ADHFE1: variants seen among roughly 807,000 people sequenced by gnomAD.
The protein encoded by ADHFE1 is hydroxyacid-oxoacid transhydrogenase, mitochondrial.
Under a neutral mutation model 54.8 loss-of-function variants are expected in ADHFE1, and 37 were observed. The observed-to-expected ratio is 0.68, with a 90% CI of 0.52 to 0.89. The LOEUF is 0.89. Ranked by LOEUF, ADHFE1 falls within the 40% of genes least tolerant of loss-of-function variation. The pLI is 0.00. For synonymous variants in ADHFE1, 203 were observed against 229.3 expected (o/e 0.89, Z 1.04); for missense variants, 601 against 591.2 (o/e 1.02, Z -0.17).
At chr8:66,449,595 T>G (rs1337248846) in intron 8 of ADHFE1, among the ~76,000 whole-genome samples, 3 of 152,356 alleles carry the variant, frequency 2.0e-5, no homozygotes, top group Non-Finnish European at 2.9e-5. Context: ...CGGCTTCAGC[T>G]GCTTTGTGCC....
intron 9 of ADHFE1, chr8:66,453,777 C>T (rs760126726): frequency 5.0e-6 from 7 of 1,410,472 alleles, no homozygotes; most frequent in Middle Eastern, 2.0e-4. Context: ...GAGTGGCCCT[C>T]GCCATCCAGG....
chr8:66,449,022 A>G (rs1806167299), intron 8 of ADHFE1, 52 bp downstream of exon 8: 1 of 1,492,208 alleles, frequency 6.7e-7, no homozygotes, highest in Non-Finnish European at 9.3e-7. Flanking sequence ...GTCTATGGAT[A>G]GTATTTTGTT....
rs2130454725 is a variant in ADHFE1 at position 66,457,075 on chromosome 8, T to C, written c.1071T>C (p.His357=). The change falls in exon 12 of 14, where the codon CAT becomes CAC. Residue 357 remains histidine (H), a synonymous_variant. Coordinates refer to ENST00000396623, the MANE Select transcript of ADHFE1 (RefSeq NM_144650.3). ...DYNVDHPLVP[H]GLSVVLTSPA... is the part of the protein sequence containing the mutation. Reference sequence around the variant, plus strand: ...CGCATTTCGTTTCTCCCCAGCCCCATGGCCTTTCTGTGGTGCTCACGTCCC... The same window carrying C: ...CGCATTTCGTTTCTCCCCAGCCCCACGGCCTTTCTGTGGTGCTCACGTCCC... 4.3e-6 allele frequency: 7 copies of C among 1,613,382 alleles called. No homozygotes were observed. Among genetic ancestry groups the C allele is most frequent in the Non-Finnish European group, 5.9e-6 (7 of 1,179,552 alleles).
At chr8:66,461,887 G>A (rs965723551) in intron 13 of ADHFE1, among the ~76,000 whole-genome samples, 2 of 152,196 alleles carry the variant, frequency 1.3e-5, no homozygotes, top group Non-Finnish European at 2.9e-5. Flanking sequence ...AAACAAAGGA[G>A]TCTCAAAGTA....
Position 66,456,834 on chromosome 8 carries a change from C to T in ADHFE1, c.1004C>T (p.Pro335Leu). 1 of 1,608,974 alleles carries T rather than the reference C, an allele frequency of 6.2e-7. No homozygotes were observed. The highest frequency in any genetic ancestry group is 8.5e-7 in the Non-Finnish European group (1 of 1,177,696). Residue 335 changes from proline to leucine, a missense_variant, in exon 11 of 14, where the codon CCA becomes CTA. Pro to Leu is a moderately conservative substitution (Grantham distance 98). Coordinates refer to ENST00000396623, the MANE Select transcript of ADHFE1 (RefSeq NM_144650.3). ...TTTTCTAGCCATGGAATGTCTTACC[C>T]AATTTCAGGTTTAGTGAAGATGTAT... ...GVHLCHGMSY[P>L]ISGLVKMYKA...
intron 9 of ADHFE1, chr8:66,453,605 T>C: frequency 1.1e-6 from 1 of 942,760 alleles, no homozygotes; most frequent in Non-Finnish European, 1.5e-6. Context: ...ACCACAGATA[T>C]AAAGAGGCCC....
At chr8:66,450,441 G>A (rs1254585333) in intron 8 of ADHFE1, among the ~76,000 whole-genome samples, 4 of 152,182 alleles carry the variant, frequency 2.6e-5, no homozygotes, top group African/African-American at 9.7e-5. Context: ...TGCCCATAAG[G>A]CCCAGTGGCC....
chr8:66,444,252 T>C, intron 3 of ADHFE1, 115 bp from the exon 4 acceptor site: 1 of 910,560 alleles, frequency 1.1e-6, no homozygotes, highest in Non-Finnish European at 1.7e-6. Context: ...TGGAAGACCA[T>C]GCTAAGGAGT....
At chr8:66,449,189 TC>T (rs913142247) in intron 8 of ADHFE1, among the ~76,000 whole-genome samples, 1 of 151,672 alleles carries the variant, frequency 6.6e-6, no homozygotes, top group Non-Finnish European at 1.5e-5. Context: ...TCAGGATGGA[TC>T]CCCCCCAGCC....
chr8:66,468,317 G>A lies in ADHFE1; in HGVS notation c.1369G>A (p.Ala457Thr). ...CTGTCCCCAGTCAGAAGAGGATCTG[G>A]CTGCTCTGTTTGAAGCTTCAATGAA... Reference protein sequence around the residue: ...APCPQSEEDLAALFEASMKLY With the variant: ...APCPQSEEDLTALFEASMKLY Residue 457 changes from alanine (A) to threonine (T), a missense_variant, in exon 14 of 14, where the codon GCT becomes ACT. Physicochemically the swap from Ala to Thr is moderately conservative, Grantham distance 58. Coordinates refer to ENST00000396623, the MANE Select transcript of ADHFE1 (RefSeq NM_144650.3). 6.2e-7 allele frequency: 1 copy of A among 1,613,344 alleles called. No homozygotes were observed. The highest frequency in any genetic ancestry group is 1.1e-5 in the South Asian group (1 of 91,016).
chr8:66,439,453 G>A lies in ADHFE1; in HGVS notation c.60-709G>A, dbSNP rs1805632317. 1.0e-6 allele frequency: 1 copy of A among 986,052 alleles called. No homozygotes were observed. The highest frequency in any genetic ancestry group is 1.2e-6 in the Non-Finnish European group (1 of 830,372). The allele number at this position is 986,052 out of a possible 1,614,324, so 61.1% of individuals were successfully genotyped here. ...AGGAAGAGGGACCACAGCCAGGGGA[G>A]GGAGGGTTTCCAAAAAGGAGGACGT... On this transcript the variant is annotated intron_variant, in intron 1 of 13. Coordinates refer to ENST00000396623, the MANE Select transcript of ADHFE1 (RefSeq NM_144650.3). The surrounding 1 kb of genome is among the most constrained non-coding windows in gnomAD (Gnocchi z 4.4).
At position 66,439,473 on chromosome 8, in the gene ADHFE1, G is replaced by C; in HGVS notation, c.60-689G>C. On this transcript the variant is annotated intron_variant, in intron 1 of 13. Coordinates refer to ENST00000396623, the MANE Select transcript of ADHFE1 (RefSeq NM_144650.3). This position sits in a 1 kb window ranked among gnomAD's most constrained non-coding sequence, Gnocchi z 4.4. ...GGGGAGGGAGGGTTTCCAAAAAGGA[G>C]GACGTGGGAAATCTGTAGAGAAGTC... is the stretch of plus-strand genomic sequence containing the variant. The C allele has an allele frequency of 1.0e-5, 10 of 986,202 alleles. No individual in the cohort carries two copies. The highest frequency in any genetic ancestry group is 1.2e-5 in the Non-Finnish European group (10 of 830,398). 61.1% of individuals were successfully genotyped at this position (986,202 alleles called of 1,614,324 possible).
chr8:66,468,539 G>A lies in ADHFE1; in HGVS notation c.*187G>A, dbSNP rs1027695309. On this transcript the variant is annotated 3_prime_UTR_variant, in exon 14 of 14. Transcript: ENST00000396623. Reference sequence around the variant, plus strand: ...TCCAGTTCCTTCCATAAAACAGGCTGGACAAATGACCACTATGTTAGACCC... The same window carrying A: ...TCCAGTTCCTTCCATAAAACAGGCTAGACAAATGACCACTATGTTAGACCC... The A allele has an allele frequency of 2.5e-6, 1 of 401,620 alleles. No individual in the cohort carries two copies. The highest frequency in any genetic ancestry group is 4.8e-5 in the East Asian group (1 of 20,640). 24.9% of individuals were successfully genotyped at this position (401,620 alleles called of 1,614,324 possible). A position where few individuals can be genotyped will look rare whatever the true frequency, so the allele number is the denominator to read the frequency against.
At chr8:66,461,761 G>A (rs1293580227) in intron 13 of ADHFE1, among the ~76,000 whole-genome samples, 1 of 152,060 alleles carries the variant, frequency 6.6e-6, no homozygotes, top group Non-Finnish European at 1.5e-5. Flanking sequence ...GGATGTTTGT[G>A]TTGAATTCCC....
At chr8:66,438,237 G>A (rs1255376614) in intron 1 of ADHFE1, among the ~76,000 whole-genome samples, 1 of 152,206 alleles carries the variant, frequency 6.6e-6, no homozygotes, top group East Asian at 1.9e-4. Context: ...CATGAGAGGT[G>A]ATACTGGAAC....
chr8:66,453,833 C>A lies in ADHFE1; in HGVS notation c.888-226C>A, dbSNP rs1036480292. On this transcript the variant is annotated intron_variant, in intron 9 of 13. Coordinates refer to ENST00000396623, the MANE Select transcript of ADHFE1 (RefSeq NM_144650.3). ...CGGCGCTTTTACATCACATGAGCAG[C>A]TGACAGCGTATTTATTATGCCTTTG... 9.4e-6 allele frequency: 14 copies of A among 1,488,640 alleles called. No individual in the cohort carries two copies. The African/African-American group carries it at 2.0e-4, about 21-fold the overall frequency. The allele number at this position is 1,488,640 out of a possible 1,614,324, so 92.2% of individuals were successfully genotyped here. A position where few individuals can be genotyped will look rare whatever the true frequency, so the allele number is the denominator to read the frequency against.
Position 66,455,583 on chromosome 8 carries a change from C to A in ADHFE1, c.987-1234C>A, listed in dbSNP as rs759722240. On this transcript the variant is annotated intron_variant, in intron 10 of 13. Coordinates refer to ENST00000396623, the MANE Select transcript of ADHFE1 (RefSeq NM_144650.3). ...ACCCAGAGCCTGAAAAATATTTATG[C>A]CCCTGGCCCCACCAATTCTCTTCTA... Among the ~76,000 whole-genome samples, 7 of 152,312 alleles carry A rather than the reference C, an allele frequency of 4.6e-5. 1 individual carries two copies. The South Asian group carries it at 1.2e-3, about 27-fold the overall frequency.
rs557210178 is a variant in ADHFE1, at chr8:66,439,809, C to T, written c.60-353C>T. ...ACCTTGGGCCGATTTGGTCAACGCT[C>T]CTAACCCAGTAAGAGCTGGGGCTTC... On this transcript the variant is annotated intron_variant, in intron 1 of 13. Coordinates refer to ENST00000396623, the MANE Select transcript of ADHFE1 (RefSeq NM_144650.3). The surrounding 1 kb of genome is among the most constrained non-coding windows in gnomAD (Gnocchi z 4.4). The T allele has an allele frequency of 7.3e-6, 8 of 1,102,992 alleles. No homozygotes were observed. The African/African-American group carries it at 9.8e-5, about 14-fold the overall frequency. The allele number at this position is 1,102,992 out of a possible 1,614,324, so 68.3% of individuals were successfully genotyped here.
At chr8:66,441,650 C>A (rs1805750005) in intron 2 of ADHFE1, among the ~76,000 whole-genome samples, 2 of 152,206 alleles carry the variant, frequency 1.3e-5, no homozygotes, top group Admixed American at 6.5e-5. Flanking sequence ...GACAGAAAAT[C>A]ATTTTTACCA....
Sources: allele counts gnomAD v4.1 joint callset (sites outside exome capture counted in the v4.1 genomes callset), GRCh38; gene constraint gnomAD v4.1.1; non-coding constraint Gnocchi (gnomAD v3.1); transcripts MANE v1.5; gene names NCBI Gene and HGNC (gene_info 2026-07-23, HGNC 2026-07-21).